The following KCNH7 variants were observed in gnomAD, a reference collection of about 807,000 sequenced individuals.
KCNH7 encodes the protein voltage-gated inwardly rectifying potassium channel KCNH7.
A neutral mutation model predicts 120.8 loss-of-function variants in KCNH7; 49 were observed. The ratio of observed to expected loss-of-function variants is 0.41; its 90% CI spans 0.32 to 0.51. The LOEUF (loss-of-function observed/expected upper bound fraction) is 0.51. Ranked by LOEUF, KCNH7 falls within the 20% of genes least tolerant of loss-of-function variation. The pLI is 0.38. For missense variants in KCNH7, 1,097 were observed against 1,446.6 expected (o/e 0.76, Z 3.92); for synonymous variants, 547 against 516.1 (o/e 1.06, Z -0.81).
intron 11 of KCNH7, among the ~76,000 whole-genome samples, chr2:162,394,699 G>A (rs1686854153): frequency 6.6e-6 from 1 of 151,800 alleles, no homozygotes. Flanking sequence ...ACCATTTGCT[G>A]GGGAAATCAT....
chr2:162,418,111 T>C (rs1687592289), intron 9 of KCNH7, among the ~76,000 whole-genome samples: 1 of 152,140 alleles, frequency 6.6e-6, no homozygotes, highest in Admixed American at 6.5e-5. Context: ...TATCAACTAA[T>C]CTACATGCAG....
chr2:162,671,125 GA>G (rs1685338819), intron 2 of KCNH7, among the ~76,000 whole-genome samples: 1 of 152,118 alleles, frequency 6.6e-6, no homozygotes. Flanking sequence ...CCTATTGGTG[GA>G]AATGTAAATT....
chr2:162,421,185 G>A (rs1056924424), intron 9 of KCNH7, among the ~76,000 whole-genome samples: 1 of 152,024 alleles, frequency 6.6e-6, no homozygotes, highest in Non-Finnish European at 1.5e-5. Flanking sequence ...ACATGGTTTA[G>A]AGCTCACACA....
At chr2:162,698,050 T>G (rs566522733) in intron 2 of KCNH7, among the ~76,000 whole-genome samples, 8 of 152,168 alleles carry the variant, frequency 5.3e-5, no homozygotes, top group Non-Finnish European at 1.0e-4. Context: ...GGATTCAACA[T>G]TCACATAGTT....
intron 2 of KCNH7, among the ~76,000 whole-genome samples, chr2:162,706,249 A>G: frequency 6.6e-6 from 1 of 152,098 alleles, no homozygotes; most frequent in Non-Finnish European, 1.5e-5. Flanking sequence ...AGAAACTGAT[A>G]ATTTTTCCAA....
At chr2:162,577,385 CTATCT>C (rs1559025524) in intron 2 of KCNH7, among the ~76,000 whole-genome samples, 2 of 150,990 alleles carry the variant, frequency 1.3e-5, no homozygotes, top group African/African-American at 4.9e-5. Flanking sequence ...ATCTATCTAT[CTATCT>C]ATCTATCCAT....
chr2:162,735,444 G>C (rs1468239393), intron 2 of KCNH7, among the ~76,000 whole-genome samples: 1 of 152,146 alleles, frequency 6.6e-6, no homozygotes, highest in Admixed American at 6.6e-5. Flanking sequence ...TGGCACCAGA[G>C]TCACATAACC....
intron 2 of KCNH7, among the ~76,000 whole-genome samples, chr2:162,652,444 A>G (rs1684599497): frequency 6.6e-6 from 1 of 152,010 alleles, no homozygotes; most frequent in African/African-American, 2.4e-5. Context: ...GGGGAGGGGT[A>G]GTGTGGGGGA....
rs570813044 is a variant in KCNH7 at position 162,424,789 on chromosome 2, C to A, written c.1955-1254G>T. ...CAAGATCCTTATGTACCATAGATATCCCAAGTAAGAGAAAGTCCCAGGGAA... is the reference window on the plus strand; with the variant it reads ...CAAGATCCTTATGTACCATAGATATACCAAGTAAGAGAAAGTCCCAGGGAA... On this transcript the variant is annotated intron_variant, in intron 8 of 15. Coordinates refer to ENST00000332142, the MANE Select transcript of KCNH7 (RefSeq NM_033272.4). Among the ~76,000 whole-genome samples the A allele has an allele frequency of 2.0e-5, 3 of 152,200 alleles. No individual in the cohort carries two copies. The East Asian group carries it at 5.8e-4, about 29-fold the overall frequency.
At chr2:162,592,729 A>G (rs1223497009) in intron 2 of KCNH7, among the ~76,000 whole-genome samples, 1 of 152,072 alleles carries the variant, frequency 6.6e-6, no homozygotes, top group Non-Finnish European at 1.5e-5. Context: ...AAATAAATAT[A>G]TAGTTTTTAT....
intron 2 of KCNH7, among the ~76,000 whole-genome samples, chr2:162,625,763 G>C (rs1683532395): frequency 6.6e-6 from 1 of 152,066 alleles, no homozygotes; most frequent in Non-Finnish European, 1.5e-5. Flanking sequence ...CATTGGAAAG[G>C]TAGAAGCTAT....
chr2:162,769,912 T>C (rs1046582930), intron 2 of KCNH7, among the ~76,000 whole-genome samples: 1 of 152,098 alleles, frequency 6.6e-6, no homozygotes, highest in African/African-American at 2.4e-5. Flanking sequence ...ATCTTGAACA[T>C]AGGTGTATAA....
At chr2:162,649,360 TA>T (rs1320869124) in intron 2 of KCNH7, among the ~76,000 whole-genome samples, 1 of 152,216 alleles carries the variant, frequency 6.6e-6, no homozygotes, top group Non-Finnish European at 1.5e-5. Context: ...TGTTAGAGAA[TA>T]AAAGTATGCC....
At chr2:162,623,888 T>C (rs1394848894) in intron 2 of KCNH7, among the ~76,000 whole-genome samples, 1 of 152,202 alleles carries the variant, frequency 6.6e-6, no homozygotes, top group Non-Finnish European at 1.5e-5. Flanking sequence ...AGTTTTGTTT[T>C]CCTCAGTTTA....
chr2:162,653,482 A>G, intron 2 of KCNH7, among the ~76,000 whole-genome samples: 1 of 152,234 alleles, frequency 6.6e-6, no homozygotes, highest in East Asian at 1.9e-4. Flanking sequence ...CACTTACAAT[A>G]GCTTCAATAA....
At chr2:162,647,206 G>C (rs138269241) in intron 2 of KCNH7, among the ~76,000 whole-genome samples, 1 of 152,172 alleles carries the variant, frequency 6.6e-6, no homozygotes, top group African/African-American at 2.4e-5. Context: ...ACTGCTAAGA[G>C]ATTTACAGTT....
At chr2:162,802,611 A>G (rs1344824651) in intron 2 of KCNH7, among the ~76,000 whole-genome samples, 7 of 151,816 alleles carry the variant, frequency 4.6e-5, no homozygotes, top group African/African-American at 1.7e-4. Flanking sequence ...TGGTAGCTAT[A>G]GCAAAAATGT....
At chr2:162,495,729 C>T (rs1451554241) in intron 6 of KCNH7, among the ~76,000 whole-genome samples, 4 of 152,216 alleles carry the variant, frequency 2.6e-5, no homozygotes, top group Admixed American at 2.0e-4. Flanking sequence ...CCTGCTTATT[C>T]CTGTGAACAA....
At chr2:162,380,175 C>A (rs534217919) in intron 13 of KCNH7, among the ~76,000 whole-genome samples, 154 bp from the exon 14 acceptor site, 1 of 152,118 alleles carries the variant, frequency 6.6e-6, no homozygotes, top group South Asian at 2.1e-4. Context: ...GGGCCACGGC[C>A]AGTTGGTAGC....
Sources: allele counts gnomAD v4.1 joint callset (sites outside exome capture counted in the v4.1 genomes callset), GRCh38; gene constraint gnomAD v4.1.1; transcripts MANE v1.5; gene names NCBI Gene and HGNC (gene_info 2026-07-23, HGNC 2026-07-21).